The following PIWIL2 variants were observed in gnomAD, a reference collection of about 807,000 sequenced individuals.
PIWIL2 encodes piwi-like protein 2.
A neutral mutation model predicts 116.5 loss-of-function variants in PIWIL2; 81 were observed. The observed-to-expected ratio is 0.70, with a 90% confidence interval of 0.58 to 0.84. The LOEUF (loss-of-function observed/expected upper bound fraction) is 0.84, where lower values mean the gene tolerates loss of function less well. PIWIL2 is among the 40% of genes least tolerant of loss of function. The pLI is 0.00. For missense variants in PIWIL2, 1,272 were observed against 1,212.3 expected (o/e 1.05, Z -0.73); for synonymous variants, 489 against 429.5 (o/e 1.14, Z -1.71).
intron 20 of PIWIL2, among the ~76,000 whole-genome samples, chr8:22,335,158 T>C (rs921715376): frequency 1.1e-4 from 16 of 148,830 alleles, no homozygotes; most frequent in Admixed American, 1.1e-3. Flanking sequence ...AACTGGAAAA[T>C]AGCTATTTAA....
rs146528232 is a variant in PIWIL2 at position 22,354,296 on chromosome 8, C to A, written c.2683C>A (p.His895Asn). 4.9e-5 allele frequency: 79 copies of A among 1,613,022 alleles called. 1 individual carries two copies. In the East Asian group the frequency reaches 1.7e-3, roughly 35 times the overall value. The part of the protein sequence containing the change: ...EWVDFYLLAH[H>N]VRQGCGIPTH... ...GGTGGATTTCTATCTTCTTGCCCAT[C>A]ATGTACGGCAGGGCTGTGGCATTCC... The change falls in exon 22 of 23, where the codon CAT (histidine) becomes AAT (asparagine). Residue 895 changes from histidine (H) to asparagine (N), a missense_variant. Physicochemically the swap from His to Asn is moderately conservative, Grantham distance 68 (BLOSUM62 1). Coordinates refer to ENST00000356766, the MANE Select transcript of PIWIL2 (RefSeq NM_018068.5).
chr8:22,324,233 G>T (rs1034067265), intron 20 of PIWIL2, among the ~76,000 whole-genome samples: 2 of 152,210 alleles, frequency 1.3e-5, no homozygotes. Flanking sequence ...CTGCGCTCCA[G>T]TCTGGGCGAC....
chr8:22,316,637 A>G (rs939035492), intron 19 of PIWIL2, among the ~76,000 whole-genome samples: 1 of 151,784 alleles, frequency 6.6e-6, no homozygotes, highest in Admixed American at 6.6e-5. Context: ...GCGCACCACC[A>G]TGCCAGGCTA....
chr8:22,328,917 C>CT (rs1177784650), intron 20 of PIWIL2, among the ~76,000 whole-genome samples: 1 of 129,124 alleles, frequency 7.7e-6, no homozygotes, highest in African/African-American at 2.8e-5. Context: ...AGTTTGAATT[C>CT]TTTTTATTTC....
chr8:22,287,674 G>T, intron 7 of PIWIL2, 29 bp downstream of exon 7: 1 of 1,357,550 alleles, frequency 7.4e-7, no homozygotes. Context: ...TGGACTTTGA[G>T]ATGAACCCTA....
intron 20 of PIWIL2, among the ~76,000 whole-genome samples, chr8:22,344,696 T>G (rs1332098449): frequency 6.6e-6 from 1 of 152,044 alleles, no homozygotes; most frequent in African/African-American, 2.4e-5. Flanking sequence ...GGGAGACCCC[T>G]ATCTCTACAA....
At chr8:22,327,826 A>C (rs1033186609) in intron 20 of PIWIL2, among the ~76,000 whole-genome samples, 3 of 152,168 alleles carry the variant, frequency 2.0e-5, no homozygotes, top group Non-Finnish European at 4.4e-5. Flanking sequence ...GTTGAGTCGT[A>C]GGAGTTTTTA....
chr8:22,319,901 C>T (rs989510324), intron 20 of PIWIL2, among the ~76,000 whole-genome samples: 1 of 152,184 alleles, frequency 6.6e-6, no homozygotes, highest in Non-Finnish European at 1.5e-5. Flanking sequence ...CAGTTGATTC[C>T]ACCTTCTAAT....
chr8:22,297,323 G>A (rs750417123), intron 10 of PIWIL2, among the ~76,000 whole-genome samples: 2 of 152,068 alleles, frequency 1.3e-5, no homozygotes, highest in Non-Finnish European at 2.9e-5. Context: ...TGACTGTGTT[G>A]CCAAGGCTGA....
chr8:22,293,095 A>G (rs1420297920), intron 10 of PIWIL2, among the ~76,000 whole-genome samples: 1 of 152,082 alleles, frequency 6.6e-6, no homozygotes, highest in African/African-American at 2.4e-5. Context: ...TTGCTTTTAT[A>G]TATTTATTTT....
rs374580706 is a variant in PIWIL2 at position 22,322,580 on chromosome 8, T to TGTCCC, written c.2403+4315_2403+4319dup. Among the ~76,000 whole-genome samples the TGTCCC allele has an allele frequency of 1.1e-3, 168 of 152,028 alleles. 2 individuals are homozygous for TGTCCC. Among genetic ancestry groups the TGTCCC allele is most frequent in the Non-Finnish European group, 1.5e-3 (102 of 67,966 alleles). On this transcript the variant is annotated intron_variant, in intron 20 of 22. Transcript: ENST00000356766. The stretch of plus-strand genomic sequence containing the variant: ...CTGAGCCCAGCTGAATACCCTGTCC[T>TGTCCC]GTCCCGTCCCGTCCTGTCCCGTCCC...
At chr8:22,286,681 GCA>G (rs1830636523) in intron 6 of PIWIL2, among the ~76,000 whole-genome samples, 1 of 152,058 alleles carries the variant, frequency 6.6e-6, no homozygotes, top group Non-Finnish European at 1.5e-5. Flanking sequence ...GAGTGCAGTG[GCA>G]CAGTCTTGCC....
At chr8:22,328,773 T>G (rs760457462) in intron 20 of PIWIL2, among the ~76,000 whole-genome samples, 1 of 151,262 alleles carries the variant, frequency 6.6e-6, no homozygotes, top group Non-Finnish European at 1.5e-5. Context: ...TATGTGTTGA[T>G]CATGTACCCT....
chr8:22,320,484 C>G (rs1348161934), intron 20 of PIWIL2, among the ~76,000 whole-genome samples: 1 of 151,588 alleles, frequency 6.6e-6, no homozygotes, highest in East Asian at 1.9e-4. Flanking sequence ...GTTGGCCAGA[C>G]TGGGCTGGTC....
intron 11 of PIWIL2, 55 bp downstream of exon 11, chr8:22,304,264 G>C: frequency 2.6e-6 from 3 of 1,148,578 alleles, no homozygotes; most frequent in Non-Finnish European, 3.9e-6. Context: ...TGTAGTCCAC[G>C]TTCTCCAGCA....
chr8:22,341,667 TC>T (rs1446161093), intron 20 of PIWIL2, among the ~76,000 whole-genome samples: 5 of 149,884 alleles, frequency 3.3e-5, no homozygotes, highest in Non-Finnish European at 7.4e-5. Flanking sequence ...ATTTTTAAAA[TC>T]TACAAAAAAG....
intron 10 of PIWIL2, among the ~76,000 whole-genome samples, chr8:22,295,359 AT>A (rs1197744114): frequency 1.3e-5 from 2 of 151,732 alleles, no homozygotes; most frequent in Non-Finnish European, 2.9e-5. Flanking sequence ...TAAGTACGTA[AT>A]TTTATATGTA....
At chr8:22,279,319 A>T in intron 1 of PIWIL2, 22 bp from the exon 2 acceptor site, 2 of 1,223,958 alleles carry the variant, frequency 1.6e-6, no homozygotes, top group Non-Finnish European at 2.4e-6. Flanking sequence ...TGGGAATCTT[A>T]ATCTTTTGAA....
At chr8:22,286,848 C>A (rs1223996827) in intron 6 of PIWIL2, among the ~76,000 whole-genome samples, 1 of 151,880 alleles carries the variant, frequency 6.6e-6, no homozygotes, top group African/African-American at 2.4e-5. Context: ...ATCTTGAACT[C>A]CTGGCCTCAA....
Sources: gnomAD v4.1 joint callset for allele counts (sites outside exome capture counted in the v4.1 genomes callset) on GRCh38, gnomAD v4.1.1 for gene constraint, MANE v1.5 for transcripts, NCBI Gene and HGNC (gene_info 2026-07-23, HGNC 2026-07-21) for gene names.